ABCA6: variants seen among roughly 807,000 people sequenced by gnomAD.
The protein encoded by ABCA6 is ATP-binding cassette sub-family A member 6.
ABCA6 carries 164 observed loss-of-function variants against 191.2 expected under a neutral mutation model. The observed-to-expected ratio is 0.86, with a 90% confidence interval of 0.76 to 0.98. The LOEUF is 0.98. Among genes scored for constraint, ABCA6 ranks in the 50% least tolerant of loss-of-function variants. The pLI, the probability that ABCA6 is intolerant of heterozygous loss-of-function variation, is 0.00. For missense variants in ABCA6, 1,958 were observed against 1,894.1 expected (o/e 1.03, Z -0.63); for synonymous variants, 636 against 647.7 (o/e 0.98, Z 0.27).
intron 17 of ABCA6, chr17:69,110,410 AG>A (rs2073399735): frequency 5.4e-6 from 1 of 184,328 alleles, no homozygotes; most frequent in Non-Finnish European, 1.1e-5. Flanking sequence ...ATGCTCTCGT[AG>A]GCATCCCTTA....
At chr17:69,088,341 G>A in intron 27 of ABCA6, 83 bp from the exon 28 acceptor site, 1 of 1,082,966 alleles carries the variant, frequency 9.2e-7, no homozygotes, top group Non-Finnish European at 1.3e-6. Flanking sequence ...GTGGTGTTTT[G>A]TCTTTGGGTA....
rs1057312766 is a variant in ABCA6 at position 69,112,163 on chromosome 17, T to A, written c.2132+20A>T. 6.4e-7 allele frequency: 1 copy of A among 1,569,670 alleles called. No homozygotes were observed. Among genetic ancestry groups the A allele is most frequent in the Admixed American group, 1.7e-5 (1 of 59,400 alleles). On this transcript the variant is annotated intron_variant, in intron 16 of 38. Coordinates refer to ENST00000284425, the MANE Select transcript of ABCA6 (RefSeq NM_080284.3). ...CAGTATTGCAAACACATAAATCCAA[T>A]CTATTCCCAAAGTCTTTACCTTAGG...
chr17:69,080,111 T>C (rs1334287166), intron 37 of ABCA6, among the ~76,000 whole-genome samples: 1 of 152,020 alleles, frequency 6.6e-6, no homozygotes, highest in African/African-American at 2.4e-5. Flanking sequence ...TCTGGCAGCA[T>C]TTAGGAAGAA....
Position 69,084,283 on chromosome 17 carries a change from G to T in ABCA6, c.4333C>A (p.Pro1445Thr), listed in dbSNP as rs770737205. Reference protein sequence around the residue: ...LLDEPSTGIDPTGQQQMWQAI... With the variant: ...LLDEPSTGIDTTGQQQMWQAI... ...CACCACATTTGCTGCTGCCCTGTGG[G>T]GTCTATGCCCGTAGATGGTTCATCC... Residue 1445 changes from proline to threonine, a missense_variant, in exon 34 of 39, where the codon CCC (proline) becomes ACC (threonine). Pro to Thr is a conservative substitution (Grantham distance 38). Transcript: ENST00000284425. The T allele has an allele frequency of 6.2e-7, 1 of 1,614,056 alleles. No homozygotes were observed. The highest frequency in any genetic ancestry group is 1.1e-5 in the South Asian group (1 of 91,076).
chr17:69,097,390 C>CAA (rs11365217), intron 23 of ABCA6, among the ~76,000 whole-genome samples: 5 of 78,106 alleles, frequency 6.4e-5, no homozygotes, highest in South Asian at 4.7e-4. Flanking sequence ...GACTCCATCT[C>CAA]AAAAAAAAAA....
At chr17:69,113,776 A>C (rs1236911412) in intron 13 of ABCA6, 39 bp from the exon 14 acceptor site, 4 of 1,578,382 alleles carry the variant, frequency 2.5e-6, no homozygotes, top group Non-Finnish European at 2.6e-6. Context: ...ATCCAAAATG[A>C]AGAAGACATT....
intron 25 of ABCA6, 137 bp downstream of exon 25, chr17:69,096,103 C>T (rs887934875): frequency 6.1e-5 from 22 of 363,502 alleles, no homozygotes; most frequent in African/African-American, 4.4e-4. Context: ...CAGTGTTACA[C>T]TTCCCTCTCT....
chr17:69,095,968 G>C (rs1438801347), intron 25 of ABCA6, among the ~76,000 whole-genome samples: 1 of 152,238 alleles, frequency 6.6e-6, no homozygotes, highest in African/African-American at 2.4e-5. Context: ...TTGGCAGGAA[G>C]CCCTGTATTC....
At chr17:69,126,132 G>A (rs192225963) in intron 8 of ABCA6, among the ~76,000 whole-genome samples, 2 of 152,192 alleles carry the variant, frequency 1.3e-5, no homozygotes, top group Non-Finnish European at 2.9e-5. Flanking sequence ...AAGACAACAT[G>A]ATTATATATG....
chr17:69,107,676 A>T lies in ABCA6; in HGVS notation c.2389+20T>A, dbSNP rs1250269574. ...ATCATTTGGGAATTGGTTTTCTGTG[A>T]ATTATACAAATGGCTTTACCTTGTT... is the stretch of plus-strand genomic sequence containing the variant. On this transcript the variant is annotated intron_variant, in intron 18 of 38. Coordinates refer to ENST00000284425, the MANE Select transcript of ABCA6 (RefSeq NM_080284.3). 1 of 1,488,944 alleles carries T rather than the reference A, an allele frequency of 6.7e-7. No homozygotes were observed. Among genetic ancestry groups the T allele is most frequent in the African/African-American group, 1.4e-5 (1 of 71,394 alleles). 92.2% of individuals were successfully genotyped at this position (1,488,944 alleles called of 1,614,324 possible). A position where few individuals can be genotyped will look rare whatever the true frequency, so the allele number is the denominator to read the frequency against.
intron 18 of ABCA6, 49 bp downstream of exon 18, chr17:69,107,647 C>T (rs753478159): frequency 6.0e-5 from 73 of 1,213,510 alleles, no homozygotes; most frequent in Non-Finnish European, 7.9e-5. Flanking sequence ...TAAATTGACA[C>T]ATGATCATTT....
chr17:69,138,083 G>A (rs774368408), intron 2 of ABCA6, among the ~76,000 whole-genome samples: 23 of 152,080 alleles, frequency 1.5e-4, no homozygotes, highest in Non-Finnish European at 2.4e-4. Context: ...TCCAGGCCTC[G>A]TTCATGGACA....
At chr17:69,128,586 T>A in intron 8 of ABCA6, 33 bp downstream of exon 8, 1 of 1,551,568 alleles carries the variant, frequency 6.4e-7, no homozygotes, top group Non-Finnish European at 8.8e-7. Flanking sequence ...TCTTTTGAAA[T>A]TTCAGTAATA....
chr17:69,100,661 C>G, intron 22 of ABCA6, 136 bp downstream of exon 22: 1 of 938,192 alleles, frequency 1.1e-6, no homozygotes, highest in Non-Finnish European at 1.5e-6. Context: ...TTTGCTATAA[C>G]CCATTGAAAA....
At position 69,088,165 on chromosome 17, in the gene ABCA6, A is replaced by T. The variant is rs2072846865; in HGVS notation, c.3698+2T>A. On this transcript the variant is annotated splice_donor_variant, in intron 28 of 38. Transcript: ENST00000284425. LOFTEE classifies it high-confidence loss of function. ...AAGTATAAAGTTAAATTTCACCCCA[A>T]CCTGAAAACAGGATCTTTTCGCATT... is the stretch of plus-strand genomic sequence containing the variant. 6.2e-7 allele frequency: 1 copy of T among 1,608,706 alleles called. No individual in the cohort carries two copies. The highest frequency in any genetic ancestry group is 1.3e-5 in the African/African-American group (1 of 74,844).
chr17:69,108,139 A>G (rs1022604403), intron 17 of ABCA6: 30 of 235,328 alleles, frequency 1.3e-4, no homozygotes, highest in South Asian at 6.3e-5. Flanking sequence ...GTATATCTCT[A>G]CCTATATTCT....
At chr17:69,114,520 T>A (rs1598037571) in intron 13 of ABCA6, among the ~76,000 whole-genome samples, 1 of 152,054 alleles carries the variant, frequency 6.6e-6, no homozygotes, top group South Asian at 2.1e-4. Flanking sequence ...CATATGTAAC[T>A]AACCTGCACG....
intron 32 of ABCA6, 99 bp from the exon 33 acceptor site, chr17:69,084,606 T>A: frequency 9.4e-7 from 1 of 1,062,874 alleles, no homozygotes; most frequent in Non-Finnish European, 1.4e-6. Context: ...TTTAGTAATA[T>A]TATTGTCAAA....
At position 69,128,609 on chromosome 17, in the gene ABCA6, A is replaced by G. The variant is rs963926991; in HGVS notation, c.1119+10T>C. ...AATTTCAGTAATAAACCAATTAACTAGGCTCTTACCTGAATCATTCCAGTA... is the reference window on the plus strand; with the variant it reads ...AATTTCAGTAATAAACCAATTAACTGGGCTCTTACCTGAATCATTCCAGTA... On this transcript the variant is annotated intron_variant, in intron 8 of 38. Transcript: ENST00000284425. 1.3e-6 allele frequency: 2 copies of G among 1,598,256 alleles called. No homozygotes were observed. The highest frequency in any genetic ancestry group is 1.3e-5 in the African/African-American group (1 of 74,388).
Sources: allele counts gnomAD v4.1 joint callset (sites outside exome capture counted in the v4.1 genomes callset), GRCh38; gene constraint gnomAD v4.1.1; transcripts MANE v1.5; gene names NCBI Gene and HGNC (gene_info 2026-07-23, HGNC 2026-07-21).